Variants in SHANK2 observed in about 807,000 individuals in gnomAD.
The protein encoded by SHANK2 is SH3 and multiple ankyrin repeat domains protein 2.
SHANK2 carries 43 observed loss-of-function variants against 133.7 expected under a neutral mutation model. That is an observed-to-expected ratio of 0.32 (90% CI 0.25 to 0.41). The LOEUF is 0.41. Ranked by LOEUF, SHANK2 falls within the 10% of genes least tolerant of loss-of-function variation. The pLI, the probability that SHANK2 is intolerant of heterozygous loss-of-function variation, is 1.00. For synonymous variants in SHANK2, 1,017 were observed against 952.8 expected, an observed-to-expected ratio of 1.07 and a Z score of -1.24; for missense variants, 1,994 against 2,235.8, an observed-to-expected ratio of 0.89 and a Z score of 2.18.
chr11:71,075,010 C>T (rs1226323927), intron 9 of SHANK2, 149 bp downstream of exon 9: 2 of 152,878 alleles, frequency 1.3e-5, no homozygotes, highest in Non-Finnish European at 2.9e-5. Context: ...GATCTCCTGA[C>T]CTCGTGATCC....
chr11:70,811,641 C>CCATA (rs1948282197), intron 12 of SHANK2, among the ~76,000 whole-genome samples: 1 of 149,654 alleles, frequency 6.7e-6, no homozygotes, highest in South Asian at 2.2e-4. Flanking sequence ...ATCCACTCAT[C>CCATA]CATCCATCCA....
chr11:70,485,306 G>T lies in SHANK2; in HGVS notation c.4979+8C>A. ...AGCGGTGTGCATGTGCACCAACCGC[G>T]GACTTACCTTGGAGCGAGGCTGGCG... On this transcript the variant is annotated splice_region_variant and intron_variant, in intron 25 of 25. Coordinates refer to ENST00000601538, the MANE Select transcript of SHANK2 (RefSeq NM_012309.5). The surrounding 1 kb of genome is among the most constrained non-coding windows in gnomAD (Gnocchi z 5.8). 1 of 1,612,734 alleles carries T rather than the reference G, an allele frequency of 6.2e-7. No individual in the cohort carries two copies. Among genetic ancestry groups the T allele is most frequent in the Non-Finnish European group, 8.5e-7 (1 of 1,179,232 alleles).
intron 17 of SHANK2, among the ~76,000 whole-genome samples, chr11:70,602,619 T>G (rs2060515691): frequency 6.6e-6 from 1 of 152,218 alleles, no homozygotes; most frequent in Non-Finnish European, 1.5e-5. Flanking sequence ...TTTCGGTAAT[T>G]ATACTGGTGG....
intron 10 of SHANK2, among the ~76,000 whole-genome samples, chr11:70,934,604 C>G (rs1555083148): frequency 6.6e-6 from 1 of 152,252 alleles, no homozygotes; most frequent in Non-Finnish European, 1.5e-5. Flanking sequence ...TTGCAATTGT[C>G]AGACCAAATT....
intron 15 of SHANK2, among the ~76,000 whole-genome samples, chr11:70,687,700 C>T (rs537325818): frequency 9.2e-5 from 14 of 152,290 alleles, no homozygotes; most frequent in African/African-American, 2.9e-4. Flanking sequence ...TGCCTGCCGG[C>T]GGGGCTCAGG....
chr11:70,794,975 C>A (rs1293955407), intron 14 of SHANK2, among the ~76,000 whole-genome samples: 1 of 151,984 alleles, frequency 6.6e-6, no homozygotes, highest in Non-Finnish European at 1.5e-5. Context: ...TAAATCACAC[C>A]TCTATAAAAG....
intron 6 of SHANK2, among the ~76,000 whole-genome samples, chr11:71,098,063 C>T (rs1218990383): frequency 6.9e-6 from 1 of 144,516 alleles, no homozygotes; most frequent in African/African-American, 2.6e-5. Flanking sequence ...CCTGTGTGTA[C>T]ATGCCTGTGT....
intron 14 of SHANK2, among the ~76,000 whole-genome samples, chr11:70,744,190 C>T (rs574464712): frequency 1.4e-4 from 21 of 152,358 alleles, no homozygotes; most frequent in East Asian, 5.8e-4. Context: ...CCTGGCAAGT[C>T]GCCACCCCCA....
At chr11:70,805,923 G>A (rs1055982582) in intron 13 of SHANK2, among the ~76,000 whole-genome samples, 5 of 152,230 alleles carry the variant, frequency 3.3e-5, no homozygotes, top group Non-Finnish European at 7.3e-5. Context: ...CCAGGGACTT[G>A]TTTGATGCTA....
chr11:70,593,172 G>A (rs1554988490), intron 17 of SHANK2, among the ~76,000 whole-genome samples: 2 of 152,168 alleles, frequency 1.3e-5, no homozygotes, highest in African/African-American at 4.8e-5. Context: ...GGACTTTGGT[G>A]GCATTTTTGG....
chr11:71,131,540 G>C (rs1369642112), intron 3 of SHANK2, among the ~76,000 whole-genome samples: 1 of 152,198 alleles, frequency 6.6e-6, no homozygotes, highest in Non-Finnish European at 1.5e-5. Context: ...CGATTAGTAA[G>C]AGGCTGCCTG....
intron 17 of SHANK2, among the ~76,000 whole-genome samples, chr11:70,521,657 C>CGTGAGCATGTGTGTGGGTGAGT (rs539087534): frequency 4.6e-5 from 7 of 152,252 alleles, no homozygotes; most frequent in Middle Eastern, 3.4e-3. Flanking sequence ...TGTGTGTGCA[C>CGTGAGCATGTGTGTGGGTGAGT]GTGAGCATGT....
chr11:70,893,692 G>A (rs368891671), intron 11 of SHANK2, among the ~76,000 whole-genome samples: 52 of 152,138 alleles, frequency 3.4e-4, no homozygotes, highest in African/African-American at 1.1e-3. Context: ...ACAAGGAACC[G>A]CATGGGCAAG....
At chr11:70,776,813 T>C (rs1947374266) in intron 14 of SHANK2, among the ~76,000 whole-genome samples, 1 of 147,116 alleles carries the variant, frequency 6.8e-6, no homozygotes, top group African/African-American at 2.5e-5. Context: ...CTCCCACCTG[T>C]CCATCCCTTA....
At chr11:70,613,119 A>C (rs1554994827) in intron 17 of SHANK2, among the ~76,000 whole-genome samples, 1 of 152,214 alleles carries the variant, frequency 6.6e-6, no homozygotes, top group Non-Finnish European at 1.5e-5. Flanking sequence ...GCTGGTTTGC[A>C]CAGCAGGTGT....
chr11:71,073,175 T>TTTTTTTTTTTTTTTTTTTTTTTATG (rs1951171559), intron 9 of SHANK2, among the ~76,000 whole-genome samples: 1 of 113,892 alleles, frequency 8.8e-6, no homozygotes, highest in Admixed American at 9.7e-5. Context: ...CTTTTTTTTT[T>TTTTTTTTTTTTTTTTTTTTTTTATG]TGAGATAGAG....
chr11:70,662,469 C>T (rs1453103199), intron 15 of SHANK2, among the ~76,000 whole-genome samples: 7 of 152,136 alleles, frequency 4.6e-5, no homozygotes, highest in Non-Finnish European at 8.8e-5. Context: ...CTCCAGCGTC[C>T]CCCCGGTCCC....
intron 11 of SHANK2, 92 bp downstream of exon 11, chr11:70,896,409 C>T (rs949470179): frequency 6.3e-6 from 4 of 632,922 alleles, no homozygotes; most frequent in Non-Finnish European, 1.2e-5. Flanking sequence ...CTAAACCAAT[C>T]TTAGGAGAAT....
At chr11:70,918,976 CA>C (rs1950309022) in intron 10 of SHANK2, among the ~76,000 whole-genome samples, 1 of 151,990 alleles carries the variant, frequency 6.6e-6, no homozygotes, top group African/African-American at 2.4e-5. Flanking sequence ...CCAGGCTGGA[CA>C]GCATAATAAG....
Sources: gnomAD v4.1 joint callset for allele counts (sites outside exome capture counted in the v4.1 genomes callset) on GRCh38, gnomAD v4.1.1 for gene constraint, Gnocchi (gnomAD v3.1) non-coding constraint, MANE v1.5 for transcripts, NCBI Gene and HGNC (gene_info 2026-07-23, HGNC 2026-07-21) for gene names.